The following ULK4 variants were observed in gnomAD, a reference collection of about 807,000 sequenced individuals.
The protein encoded by ULK4 is inactive serine/threonine-protein kinase ULK4.
A neutral mutation model predicts 160.6 loss-of-function variants in ULK4; 133 were observed. That is an observed-to-expected ratio of 0.83 (90% confidence interval 0.72 to 0.96). ULK4 has a LOEUF of 0.96. Among genes scored for constraint, ULK4 ranks in the 40% least tolerant of loss-of-function variants. ULK4 has a pLI of 0.00. For missense variants in ULK4, 1,580 were observed against 1,499.5 expected (o/e 1.05, Z -0.89); for synonymous variants, 534 against 539.8 (o/e 0.99, Z 0.15).
intron 2 of ULK4, among the ~76,000 whole-genome samples, chr3:41,954,170 C>T (rs2148845363): frequency 9.4e-6 from 1 of 106,542 alleles, no homozygotes; most frequent in South Asian, 4.1e-4. Flanking sequence ...GAGTGAGACT[C>T]CGTCTTAAAA....
intron 22 of ULK4, among the ~76,000 whole-genome samples, chr3:41,734,167 C>T (rs959203568): frequency 3.3e-5 from 5 of 152,046 alleles, no homozygotes; most frequent in Non-Finnish European, 7.4e-5. Flanking sequence ...ATGCTATTGG[C>T]TTGGTTGGGG....
chr3:41,945,994 G>C (rs1700100668), intron 2 of ULK4, among the ~76,000 whole-genome samples: 1 of 150,826 alleles, frequency 6.6e-6, no homozygotes, highest in Non-Finnish European at 1.5e-5. Context: ...GGAGTTAGAA[G>C]TCAAGATCAT....
chr3:41,599,921 C>T (rs533192829), intron 31 of ULK4, among the ~76,000 whole-genome samples: 8 of 152,246 alleles, frequency 5.3e-5, no homozygotes, highest in South Asian at 2.1e-4. Context: ...ATCTACAAAA[C>T]TAAAAAATAT....
chr3:41,733,912 T>C (rs796388217), intron 22 of ULK4, among the ~76,000 whole-genome samples: 13 of 152,092 alleles, frequency 8.5e-5, no homozygotes, highest in African/African-American at 2.9e-4. Context: ...TTTTTTTGTA[T>C]TTTTAGTTGA....
chr3:41,646,880 C>G (rs1346805692), intron 30 of ULK4, among the ~76,000 whole-genome samples: 1 of 152,182 alleles, frequency 6.6e-6, no homozygotes, highest in Non-Finnish European at 1.5e-5. Flanking sequence ...TTCTTGGAGG[C>G]TTTGTTCATT....
At chr3:41,570,098 A>T (rs1387343241) in intron 31 of ULK4, among the ~76,000 whole-genome samples, 3 of 152,206 alleles carry the variant, frequency 2.0e-5, no homozygotes, top group Admixed American at 6.5e-5. Context: ...TCCAAGGCTT[A>T]CAAAAATACC....
At chr3:41,931,223 TCACAAGAACAGAAAACCAAACAC>T (rs990600819) in intron 5 of ULK4, among the ~76,000 whole-genome samples, 10 of 151,808 alleles carry the variant, frequency 6.6e-5, no homozygotes, top group African/African-American at 2.2e-4. Context: ...CAGCAAACTA[TCACAAGAACAGAAAACCAAACAC>T]CACATATTCT....
At chr3:41,896,317 C>T (rs755028003) in intron 15 of ULK4, among the ~76,000 whole-genome samples, 17 of 151,932 alleles carry the variant, frequency 1.1e-4, no homozygotes, top group Non-Finnish European at 2.2e-4. Context: ...TGCTGTGGTG[C>T]GATCTCAGCT....
intron 17 of ULK4, among the ~76,000 whole-genome samples, chr3:41,882,836 C>T (rs921247898): frequency 2.6e-5 from 4 of 152,096 alleles, no homozygotes; most frequent in African/African-American, 9.7e-5. Context: ...TCAGAAGGAA[C>T]CCCCATTTTT....
chr3:41,417,927 G>C (rs1433238295), intron 34 of ULK4, among the ~76,000 whole-genome samples: 1 of 152,114 alleles, frequency 6.6e-6, no homozygotes, highest in South Asian at 2.1e-4. Flanking sequence ...TCTGACCTTC[G>C]TGCTGTTTTT....
At chr3:41,645,944 T>C (rs142801000) in intron 30 of ULK4, among the ~76,000 whole-genome samples, 1,982 of 152,346 alleles carry the variant, frequency 0.013, 33 homozygotes, top group African/African-American at 0.045. Context: ...TACCATTATG[T>C]AATGGCCTTC....
intron 30 of ULK4, among the ~76,000 whole-genome samples, chr3:41,659,207 G>GT (rs2035055052): frequency 6.6e-6 from 1 of 152,332 alleles, no homozygotes; most frequent in African/African-American, 2.4e-5. Context: ...GTGGTACAGT[G>GT]TATCTGTTGG....
At chr3:41,371,311 C>T (rs906326936) in intron 35 of ULK4, among the ~76,000 whole-genome samples, 6 of 152,226 alleles carry the variant, frequency 3.9e-5, no homozygotes, top group Non-Finnish European at 7.3e-5. Flanking sequence ...GATGGTCTGC[C>T]TCCTCAAGTG....
intron 32 of ULK4, among the ~76,000 whole-genome samples, chr3:41,552,589 T>C (rs573984226): frequency 5.3e-5 from 8 of 151,430 alleles, no homozygotes; most frequent in Non-Finnish European, 1.0e-4. Context: ...CATAAGAAAC[T>C]GAAGAGGACA....
chr3:41,473,299 G>A (rs1207903739), intron 32 of ULK4, among the ~76,000 whole-genome samples: 1 of 152,082 alleles, frequency 6.6e-6, no homozygotes, highest in Non-Finnish European at 1.5e-5. Context: ...TAGAATTGTT[G>A]CTGTTTGTCA....
chr3:41,484,252 T>C (rs866264033), intron 32 of ULK4, among the ~76,000 whole-genome samples: 2 of 152,084 alleles, frequency 1.3e-5, no homozygotes, highest in Admixed American at 6.5e-5. Flanking sequence ...TCAAATACAT[T>C]TATCAAATAA....
At chr3:41,836,099 A>C in intron 17 of ULK4, 128 bp from the exon 18 acceptor site, 1 of 616,414 alleles carries the variant, frequency 1.6e-6, no homozygotes. Flanking sequence ...AATTATTTTC[A>C]AAATATGGGC....
At chr3:41,897,056 G>A in intron 14 of ULK4, 53 bp from the exon 15 acceptor site, 4 of 1,467,130 alleles carry the variant, frequency 2.7e-6, no homozygotes, top group Admixed American at 1.9e-5. Context: ...AAGAACTGCT[G>A]GAAACATTAC....
chr3:41,756,158 G>A (rs1462572768), intron 21 of ULK4, among the ~76,000 whole-genome samples: 4 of 152,174 alleles, frequency 2.6e-5, no homozygotes, highest in African/African-American at 4.8e-5. Context: ...AGAAGTCTGA[G>A]TACCATCCTT....
Sources: gnomAD v4.1 joint callset for allele counts (sites outside exome capture counted in the v4.1 genomes callset) on GRCh38, gnomAD v4.1.1 for gene constraint, MANE v1.5 for transcripts, NCBI Gene and HGNC (gene_info 2026-07-23, HGNC 2026-07-21) for gene names.